The following ZNF385D variants were observed in gnomAD, a reference collection of about 807,000 sequenced individuals.
ZNF385D encodes the protein zinc finger protein 659.
Under a neutral mutation model 35.8 loss-of-function variants are expected in ZNF385D, and 15 were observed. The observed-to-expected ratio is 0.42, with a 90% CI of 0.28 to 0.64. The LOEUF is 0.64. Ranked by LOEUF, ZNF385D falls within the 30% of genes least tolerant of loss-of-function variation. The probability of loss-of-function intolerance (pLI) is 0.23; values close to 1 mark genes in which losing one functional copy is unlikely to be tolerated. For synonymous variants in ZNF385D, 212 were observed against 186.8 expected, an observed-to-expected ratio of 1.13 and a Z score of -1.10; for missense variants, 474 against 494.6, an observed-to-expected ratio of 0.96 and a Z score of 0.39.
intron 3 of ZNF385D, among the ~76,000 whole-genome samples, chr3:21,926,117 G>A (rs1029179078): frequency 6.6e-6 from 1 of 150,424 alleles, no homozygotes; most frequent in Admixed American, 6.6e-5. Flanking sequence ...CCTTGATGCA[G>A]TTTGGATATT....
At chr3:22,233,968 C>T (rs759833585) in intron 2 of ZNF385D, among the ~76,000 whole-genome samples, 11 of 152,076 alleles carry the variant, frequency 7.2e-5, no homozygotes, top group Non-Finnish European at 1.3e-4. Flanking sequence ...TCCTAATCTG[C>T]AACCCAGAGT....
chr3:21,876,952 C>T (rs568039287), intron 3 of ZNF385D, among the ~76,000 whole-genome samples: 1 of 152,074 alleles, frequency 6.6e-6, no homozygotes, highest in South Asian at 2.1e-4. Flanking sequence ...TCTTTCCACA[C>T]TTTTCCCATT....
At chr3:21,903,331 C>T (rs1028772343) in intron 3 of ZNF385D, among the ~76,000 whole-genome samples, 2 of 152,062 alleles carry the variant, frequency 1.3e-5, no homozygotes, top group African/African-American at 4.8e-5. Flanking sequence ...GGGATCACAG[C>T]AGGGGGCAAA....
chr3:21,752,303 G>A (rs934120082), upstream of ZNF385D, among the ~76,000 whole-genome samples: 1 of 152,036 alleles, frequency 6.6e-6, no homozygotes, highest in Admixed American at 6.6e-5. Flanking sequence ...AATTTCTATA[G>A]ACATTTATGA....
intron 2 of ZNF385D, among the ~76,000 whole-genome samples, chr3:21,601,738 TA>T: frequency 6.6e-6 from 1 of 152,304 alleles, no homozygotes; most frequent in African/African-American, 2.4e-5. Context: ...TCGTTAGTGA[TA>T]AAGACATCGT....
chr3:22,023,979 T>C (rs1187547952), intron 3 of ZNF385D, among the ~76,000 whole-genome samples: 1 of 152,106 alleles, frequency 6.6e-6, no homozygotes, highest in Non-Finnish European at 1.5e-5. Flanking sequence ...AAAGTATTGA[T>C]CCCCTGGGTA....
At chr3:22,104,402 G>C (rs974805742) in intron 3 of ZNF385D, among the ~76,000 whole-genome samples, 1 of 151,996 alleles carries the variant, frequency 6.6e-6, no homozygotes, top group Non-Finnish European at 1.5e-5. Flanking sequence ...CTCTGCTTTA[G>C]AGGAAGACTA....
intron 2 of ZNF385D, among the ~76,000 whole-genome samples, chr3:22,321,456 C>G (rs1694427209): frequency 6.6e-6 from 1 of 151,968 alleles, no homozygotes; most frequent in Non-Finnish European, 1.5e-5. Context: ...ACCTCTGCAT[C>G]CTGGGTTCAA....
At chr3:22,030,057 G>GA (rs1280458177) in intron 3 of ZNF385D, among the ~76,000 whole-genome samples, 2 of 151,008 alleles carry the variant, frequency 1.3e-5, no homozygotes, top group South Asian at 2.1e-4. Flanking sequence ...AAAGCATGCA[G>GA]AAAAAAACAT....
At chr3:22,356,112 C>T (rs1242409299) in intron 2 of ZNF385D, among the ~76,000 whole-genome samples, 2 of 151,920 alleles carry the variant, frequency 1.3e-5, no homozygotes, top group African/African-American at 2.4e-5. Flanking sequence ...GTGTTTTAAG[C>T]AGCTTGAGAT....
intron 3 of ZNF385D, among the ~76,000 whole-genome samples, chr3:22,029,520 C>T (rs1697788947): frequency 6.6e-6 from 1 of 152,190 alleles, no homozygotes; most frequent in South Asian, 2.1e-4. Flanking sequence ...AGGTAATCAT[C>T]AATACCAGCT....
rs114944101 is a variant in ZNF385D, at chr3:21,625,599, C to G, written c.165+39287G>C. On this transcript the variant is annotated intron_variant, in intron 2 of 7. Transcript: ENST00000281523. Reference sequence around the variant, plus strand: ...AGAAAGAGTCTTAATTTGACCATAACTTTAGTCCTTGGCAAATAGCAAAGT... The same window carrying G: ...AGAAAGAGTCTTAATTTGACCATAAGTTTAGTCCTTGGCAAATAGCAAAGT... Among the ~76,000 whole-genome samples, 934 of 152,136 alleles carry G rather than the reference C, an allele frequency of 6.1e-3. 9 individuals are homozygous for G. Among genetic ancestry groups the G allele is most frequent in the African/African-American group, 0.021 (853 of 41,526 alleles).
At chr3:21,466,180 C>T (rs1384410761) in intron 4 of ZNF385D, among the ~76,000 whole-genome samples, 1 of 152,096 alleles carries the variant, frequency 6.6e-6, no homozygotes, top group Non-Finnish European at 1.5e-5. Flanking sequence ...CAATCTTTAC[C>T]TTATAATATG....
At chr3:22,305,573 T>C (rs1223128900) in intron 2 of ZNF385D, among the ~76,000 whole-genome samples, 1 of 152,120 alleles carries the variant, frequency 6.6e-6, no homozygotes, top group Non-Finnish European at 1.5e-5. Context: ...GCATCATCAT[T>C]TGCCATAGCA....
intron 3 of ZNF385D, among the ~76,000 whole-genome samples, chr3:22,123,377 T>G (rs1315283616): frequency 6.6e-6 from 1 of 152,152 alleles, no homozygotes; most frequent in Non-Finnish European, 1.5e-5. Context: ...ACGGGATATT[T>G]TGGTGTATAT....
intron 2 of ZNF385D, among the ~76,000 whole-genome samples, chr3:21,571,610 G>A (rs990773454): frequency 2.6e-5 from 4 of 151,968 alleles, no homozygotes; most frequent in Non-Finnish European, 5.9e-5. Context: ...ACGATTTAAG[G>A]GCATAGTCCC....
intron 3 of ZNF385D, among the ~76,000 whole-genome samples, chr3:22,036,685 G>A (rs73050151): frequency 1.4e-5 from 2 of 148,010 alleles, no homozygotes; most frequent in South Asian, 2.1e-4. Context: ...AATACAATAC[G>A]AGAAAGAAGA....
intron 4 of ZNF385D, among the ~76,000 whole-genome samples, chr3:21,440,736 A>T (rs1701818256): frequency 6.6e-6 from 1 of 152,196 alleles, no homozygotes; most frequent in Non-Finnish European, 1.5e-5. Context: ...ACTATTCTAG[A>T]GTTAAAGTTT....
Position 21,751,095 on chromosome 3 carries a change from G to A in ZNF385D, c.-179C>T. 6.7e-7 allele frequency: 1 copy of A among 1,490,340 alleles called. No homozygotes were observed. The highest frequency in any genetic ancestry group is 8.9e-7 in the Non-Finnish European group (1 of 1,118,812). 92.3% of individuals were successfully genotyped at this position (1,490,340 alleles called of 1,614,324 possible). On this transcript the variant is annotated 5_prime_UTR_variant, in exon 1 of 8. Coordinates refer to ENST00000281523, the MANE Select transcript of ZNF385D (RefSeq NM_024697.3). ...GAGCGCCTTGCAGGCTGCCTTTCCA[G>A]GGCTAAGATCCCCGGCGGCTGGAGA...
Sources: gnomAD v4.1 joint callset for allele counts (sites outside exome capture counted in the v4.1 genomes callset) on GRCh38, gnomAD v4.1.1 for gene constraint, MANE v1.5 for transcripts, NCBI Gene and HGNC (gene_info 2026-07-23, HGNC 2026-07-21) for gene names.